Variants in INPP5A observed in about 807,000 individuals in gnomAD.
The protein encoded by INPP5A is inositol polyphosphate-5-phosphatase A.
Under a neutral mutation model 65.2 loss-of-function variants are expected in INPP5A, and 14 were observed. The observed-to-expected ratio is 0.21, with a 90% confidence interval of 0.14 to 0.34. The LOEUF (loss-of-function observed/expected upper bound fraction) is 0.34, where lower values mean the gene tolerates loss of function less well. Ranked by LOEUF, INPP5A falls within the 10% of genes least tolerant of loss-of-function variation. The pLI is 1.00. For missense variants in INPP5A, 431 were observed against 545.6 expected (o/e 0.79, Z 2.09); for synonymous variants, 207 against 208.3 (o/e 0.99, Z 0.05).
intron 1 of INPP5A, among the ~76,000 whole-genome samples, chr10:132,577,870 C>T (rs2071429062): frequency 6.6e-6 from 1 of 152,210 alleles, no homozygotes; most frequent in Admixed American, 6.5e-5. Context: ...AGCCGTCAGA[C>T]TCCTGGTTTG....
At chr10:132,721,940 T>G (rs757402420) in intron 8 of INPP5A, among the ~76,000 whole-genome samples, 1 of 152,134 alleles carries the variant, frequency 6.6e-6, no homozygotes, top group Non-Finnish European at 1.5e-5. Context: ...TCATGAAAAA[T>G]AGTCCAGCAG....
rs896087941 is a variant in INPP5A at position 132,537,821 on chromosome 10, G to A, written c.-276G>A. ...CAGCCTGAGTCGGCGGCGGCTGCGG[G>A]AACTTTCCCAGCGGATCTAATGGCT... On this transcript the variant is annotated 5_prime_UTR_variant, in exon 1 of 16. Coordinates refer to ENST00000368594, the MANE Select transcript of INPP5A (RefSeq NM_005539.5). 2 of 359,838 alleles carry A rather than the reference G, an allele frequency of 5.6e-6. No individual in the cohort carries two copies. Among genetic ancestry groups the A allele is most frequent in the Non-Finnish European group, 9.9e-6 (2 of 201,184 alleles). The allele number at this position is 359,838 out of a possible 1,614,324, so 22.3% of individuals were successfully genotyped here.
At position 132,575,968 on chromosome 10, in the gene INPP5A, C is replaced by A. The variant is rs1187713980; in HGVS notation, c.76-31947C>A. 6.6e-6 allele frequency among the ~76,000 whole-genome samples: 1 copy of A among 152,194 alleles called. No homozygotes were observed. The highest frequency in any genetic ancestry group is 6.5e-5 in the Admixed American group (1 of 15,286). ...TCTCCTCCTGAACCACGAGTACTTT[C>A]TGGGGAAATGATTTCACCCACTGCC... On this transcript the variant is annotated intron_variant, in intron 1 of 15. Transcript: ENST00000368594. This position sits in a 1 kb window ranked among gnomAD's most constrained non-coding sequence, Gnocchi z 5.4.
intron 5 of INPP5A, among the ~76,000 whole-genome samples, chr10:132,696,837 A>C (rs1429099403): frequency 6.6e-6 from 1 of 151,988 alleles, no homozygotes; most frequent in Non-Finnish European, 1.5e-5. Flanking sequence ...GGGCCACACC[A>C]CAGCACCCAG....
Position 132,704,767 on chromosome 10 carries a change from G to A in INPP5A, c.475-3546G>A, listed in dbSNP as rs1486900883. On this transcript the variant is annotated intron_variant, in intron 6 of 15. Transcript: ENST00000368594. The surrounding 1 kb of genome is among the most constrained non-coding windows in gnomAD (Gnocchi z 4.5). ...AGGAAGGGCGTCTAGTCAGGCAGCA[G>A]GCAGCTCCTCTGGAGTGTGGAGGAT... Among the ~76,000 whole-genome samples, 2 of 152,138 alleles carry A rather than the reference G, an allele frequency of 1.3e-5. No homozygotes were observed. Among genetic ancestry groups the A allele is most frequent in the African/African-American group, 4.8e-5 (2 of 41,428 alleles).
At chr10:132,660,066 C>T (rs1302207229) in intron 4 of INPP5A, among the ~76,000 whole-genome samples, 3 of 152,250 alleles carry the variant, frequency 2.0e-5, no homozygotes, top group Non-Finnish European at 2.9e-5. Flanking sequence ...ACGGCACGTT[C>T]TGACGTCTGC....
At chr10:132,710,955 G>A (rs569969131) in intron 8 of INPP5A, among the ~76,000 whole-genome samples, 163 of 152,304 alleles carry the variant, frequency 1.1e-3, no homozygotes, top group African/African-American at 3.8e-3. Flanking sequence ...TCTGCTCTGC[G>A]CTTGCTGATT....
chr10:132,541,229 C>T (rs746242911), intron 1 of INPP5A, among the ~76,000 whole-genome samples: 2 of 152,198 alleles, frequency 1.3e-5, no homozygotes, highest in African/African-American at 2.4e-5. Context: ...CCACCTGCCT[C>T]GGCTTCCCAA....
rs1349661460 is a variant in INPP5A, at chr10:132,546,045, C to T, written c.75+7874C>T. On this transcript the variant is annotated intron_variant, in intron 1 of 15. Transcript: ENST00000368594. This position sits in a 1 kb window ranked among gnomAD's most constrained non-coding sequence, Gnocchi z 5.7. ...TGCTTGTGTACGGGGGCCGGCAGCA[C>T]CGTTGTGTTGGGATGAGTGGCCGAG... Among the ~76,000 whole-genome samples the T allele has an allele frequency of 6.6e-6, 1 of 152,194 alleles. No homozygotes were observed. Among genetic ancestry groups the T allele is most frequent in the African/African-American group, 2.4e-5 (1 of 41,434 alleles).
At chr10:132,765,439 A>C (rs962759033) in intron 11 of INPP5A, among the ~76,000 whole-genome samples, 1 of 152,232 alleles carries the variant, frequency 6.6e-6, no homozygotes, top group East Asian at 1.9e-4. Context: ...TGGGGGAGCC[A>C]GCACTAGGGA....
chr10:132,559,056 G>A (rs1023438608), intron 1 of INPP5A, among the ~76,000 whole-genome samples: 3 of 152,182 alleles, frequency 2.0e-5, no homozygotes, highest in Non-Finnish European at 2.9e-5. Context: ...CTCTGTCCCC[G>A]CCTCCTGCCC....
chr10:132,698,926 G>A lies in INPP5A; in HGVS notation c.474+1007G>A, dbSNP rs1298863725. Among the ~76,000 whole-genome samples the A allele has an allele frequency of 5.3e-5, 8 of 152,330 alleles. No individual in the cohort carries two copies. Among genetic ancestry groups the A allele is most frequent in the South Asian group, 2.1e-4 (1 of 4,828 alleles). On this transcript the variant is annotated intron_variant, in intron 6 of 15. Transcript: ENST00000368594. This position sits in a 1 kb window ranked among gnomAD's most constrained non-coding sequence, Gnocchi z 5.5. ...CTTGAGTGAGGGACTGTGGCCGCCC[G>A]TGAAGGATGGGGTGCTCCTGTCACC...
At chr10:132,646,711 G>A (rs887619227) in intron 3 of INPP5A, among the ~76,000 whole-genome samples, 1 of 152,206 alleles carries the variant, frequency 6.6e-6, no homozygotes, top group African/African-American at 2.4e-5. Context: ...ACAGCATGAG[G>A]GCTTCTGGGA....
rs1413205370 is a variant in INPP5A, at chr10:132,650,472, G to C, written c.273G>C (p.Leu91=). 2 of 1,613,652 alleles carry C rather than the reference G, an allele frequency of 1.2e-6. No homozygotes were observed. The highest frequency in any genetic ancestry group is 2.7e-5 in the African/African-American group (2 of 74,938). Residue 91 remains leucine (L), a synonymous_variant, in exon 4 of 16, where the codon CTG becomes CTC. Transcript: ENST00000368594. This position sits in a 1 kb window ranked among gnomAD's most constrained non-coding sequence, Gnocchi z 5.5. ...MKEYNRARVY[L]DENYKSQEHF... ...AATATAACAGGGCTCGAGTCTACCT[G>C]GATGAAAACTACAAATCCCAGGAGC...
In INPP5A at chr10:132,650,717, C is replaced by T. The variant is rs932851575; in HGVS notation, c.306+212C>T. On this transcript the variant is annotated intron_variant, in intron 4 of 15. Transcript: ENST00000368594. This position sits in a 1 kb window ranked among gnomAD's most constrained non-coding sequence, Gnocchi z 5.5. ...GGCAGGGAAGGTGGCCCAGCACGCACAGGGTCTTGGGGCTCCAGACCAAGC... is the reference window on the plus strand; with the variant it reads ...GGCAGGGAAGGTGGCCCAGCACGCATAGGGTCTTGGGGCTCCAGACCAAGC... Among the ~76,000 whole-genome samples, 1 of 152,202 alleles carries T rather than the reference C, an allele frequency of 6.6e-6. No individual in the cohort carries two copies. The highest frequency in any genetic ancestry group is 1.5e-5 in the Non-Finnish European group (1 of 68,034).
intron 1 of INPP5A, among the ~76,000 whole-genome samples, chr10:132,606,049 G>A (rs971311691): frequency 6.6e-6 from 1 of 152,138 alleles, no homozygotes; most frequent in Non-Finnish European, 1.5e-5. Context: ...CTGGGGCGAG[G>A]TGCACACAGT....
intron 11 of INPP5A, among the ~76,000 whole-genome samples, chr10:132,759,392 C>G (rs189011114): frequency 1.3e-5 from 2 of 152,234 alleles, no homozygotes; most frequent in Non-Finnish European, 2.9e-5. Context: ...TGTGGCCACA[C>G]TCCGTGGCTT....
intron 1 of INPP5A, among the ~76,000 whole-genome samples, chr10:132,596,481 G>GCAGTGGC (rs2071690518): frequency 6.7e-6 from 1 of 150,360 alleles, no homozygotes; most frequent in African/African-American, 2.5e-5. Flanking sequence ...CAGCTGGAGT[G>GCAGTGGC]CAGTGGCACC....
intron 1 of INPP5A, among the ~76,000 whole-genome samples, chr10:132,598,200 G>A (rs1411752124): frequency 6.6e-6 from 1 of 152,192 alleles, no homozygotes; most frequent in African/African-American, 2.4e-5. Flanking sequence ...CTGCTTGAGT[G>A]GCGCTGTGGC....
Sources: allele counts gnomAD v4.1 joint callset (sites outside exome capture counted in the v4.1 genomes callset), GRCh38; gene constraint gnomAD v4.1.1; non-coding constraint Gnocchi (gnomAD v3.1); transcripts MANE v1.5; gene names NCBI Gene and HGNC (gene_info 2026-07-23, HGNC 2026-07-21).